The following FAT2 variants were observed in gnomAD, a reference collection of about 807,000 sequenced individuals.
The protein encoded by FAT2 is protocadherin Fat 2.
In FAT2, 150 loss-of-function variants were observed where a neutral mutation model predicts 295.3. The ratio of observed to expected loss-of-function variants is 0.51; its 90% confidence interval spans 0.44 to 0.58. The LOEUF is 0.58. FAT2 is among the 20% of genes least tolerant of loss of function. FAT2 has a pLI of 0.00. For missense variants in FAT2, 4,868 were observed against 5,442.7 expected (o/e 0.89, Z 3.32); for synonymous variants, 2,026 against 2,150.3 (o/e 0.94, Z 1.60).
chr5:151,544,046 C>G lies in FAT2; in HGVS notation c.7081G>C (p.Gly2361Arg). 6.2e-7 allele frequency: 1 copy of G among 1,614,158 alleles called. No homozygotes were observed. Among genetic ancestry groups the G allele is most frequent in the South Asian group, 1.1e-5 (1 of 91,074 alleles). The change falls in exon 10 of 24, where the codon GGT becomes CGT. Residue 2361 changes from glycine to arginine, a missense_variant. Around this residue, in one of 5 missense-constraint regions of FAT2, gnomAD observed 3,297 missense variants for 3,669.4 expected, o/e 0.90. Transcript: ENST00000261800. ...ACATTGACAACCACAAGGGTTTCAC[C>G]AGTGAGTGGGGGATCTCCTTTATCC... is the stretch of plus-strand genomic sequence containing the variant. ...AMDKGDPPLT[G>R]ETLVVVNVSD...
chr5:151,529,123 T>C (rs1754325148), intron 15 of FAT2, 55 bp downstream of exon 15: 1 of 1,491,010 alleles, frequency 6.7e-7, no homozygotes, highest in Non-Finnish European at 9.4e-7. Flanking sequence ...GGGGGTGAGA[T>C]AAGAACCCAT....
chr5:151,514,988 T>A (rs566669099), intron 20 of FAT2, among the ~76,000 whole-genome samples: 29 of 152,314 alleles, frequency 1.9e-4, no homozygotes, highest in African/African-American at 6.3e-4. Flanking sequence ...TTTATTTTTT[T>A]AAAAAAGGTT....
At chr5:151,520,176 G>A (rs758576261) in intron 19 of FAT2, among the ~76,000 whole-genome samples, 39 of 152,234 alleles carry the variant, frequency 2.6e-4, no homozygotes, top group African/African-American at 9.2e-4. Flanking sequence ...CAGGCAGCTG[G>A]ACCCATAAAG....
chr5:151,559,363 C>G lies in FAT2; in HGVS notation c.3575-2961G>C, dbSNP rs558198860. Among the ~76,000 whole-genome samples the G allele has an allele frequency of 2.6e-5, 4 of 152,300 alleles. No individual in the cohort carries two copies. In the East Asian group the frequency reaches 7.7e-4, roughly 29 times the overall value. ...GAGGACAAGTGGAAGGAAAGACACA[C>G]TCCTGTAGGACAGGAGGGTCTGGAT... On this transcript the variant is annotated intron_variant, in intron 3 of 23. Coordinates refer to ENST00000261800, the MANE Select transcript of FAT2 (RefSeq NM_001447.3).
rs748856510 is a variant in FAT2 at position 151,545,167 on chromosome 5, A to T, written c.5960T>A (p.Leu1987Gln). The T allele has an allele frequency of 6.2e-7, 1 of 1,614,218 alleles. No individual in the cohort carries two copies. The highest frequency in any genetic ancestry group is 8.5e-7 in the Non-Finnish European group (1 of 1,180,036). The part of the protein sequence containing the change: ...VKENLQDRKA[L>Q]VILGAQGNHL... ...ATTGCCCTGGGCACCAAGAATCACC[A>T]GTGCCTTTCTGTCCTGCAAGTTCTC... The change falls in exon 10 of 24, where the codon CTG (leucine) becomes CAG (glutamine). Residue 1987 changes from leucine (L) to glutamine (Q), a missense_variant. This residue lies in a region of FAT2 where 3,297 missense variants were observed against 3,669.4 expected (regional missense o/e 0.90). Coordinates refer to ENST00000261800, the MANE Select transcript of FAT2 (RefSeq NM_001447.3).
rs10044879 is a variant in FAT2, at chr5:151,549,373, C to T, written c.4711G>A (p.Gly1571Ser). 0.012 allele frequency: 19,046 copies of T among 1,613,966 alleles called. 401 individuals carry two copies. Among genetic ancestry groups the T allele is most frequent in the African/African-American group, 0.091 (6,793 of 74,978 alleles). The part of the protein sequence containing the change: ...EASVPDTIAP[G>S]TELLQVRAMD... ...GCTCGGACCTGCAGCAGCTCTGTGC[C>T]GGGGGCTATGGTGTCAGGAACACTT... The change falls in exon 9 of 24, where the codon GGC becomes AGC. Residue 1571 changes from glycine to serine, a missense_variant. This residue lies in a region of FAT2 where 3,297 missense variants were observed against 3,669.4 expected (regional missense o/e 0.90). Coordinates refer to ENST00000261800, the MANE Select transcript of FAT2 (RefSeq NM_001447.3).
chr5:151,524,129 C>T (rs1003050288), intron 18 of FAT2, among the ~76,000 whole-genome samples: 1 of 152,126 alleles, frequency 6.6e-6, no homozygotes, highest in Non-Finnish European at 1.5e-5. Context: ...GAAAAATGAG[C>T]TTCCTGAGAC....
Position 151,518,813 on chromosome 5 carries a change from C to T in FAT2, c.11318-1048G>A, listed in dbSNP as rs138533748. Among the ~76,000 whole-genome samples, 1,013 of 152,292 alleles carry T rather than the reference C, an allele frequency of 6.7e-3. 10 individuals carry two copies. Among genetic ancestry groups the T allele is most frequent in the African/African-American group, 0.024 (977 of 41,544 alleles). On this transcript the variant is annotated intron_variant, in intron 19 of 23. Transcript: ENST00000261800. The stretch of plus-strand genomic sequence containing the variant: ...CTTGGGAATAGCATTCTGTTGAACC[C>T]CCTTTGGGAAGCACTGCCCTCCCCA...
At chr5:151,586,487 A>G (rs967237678) in intron 1 of FAT2, among the ~76,000 whole-genome samples, 1 of 152,234 alleles carries the variant, frequency 6.6e-6, no homozygotes, top group Non-Finnish European at 1.5e-5. Flanking sequence ...GATGGATTTC[A>G]GAAGATAATT....
chr5:151,574,293 G>C (rs1251081381), intron 1 of FAT2, among the ~76,000 whole-genome samples: 1 of 152,132 alleles, frequency 6.6e-6, no homozygotes, highest in Non-Finnish European at 1.5e-5. Flanking sequence ...GCATATAGAG[G>C]GAAGGACTGT....
Position 151,512,769 on chromosome 5 carries a change from G to C in FAT2, c.11464-163C>G. 1.5e-6 allele frequency: 1 copy of C among 657,120 alleles called. No homozygotes were observed. The highest frequency in any genetic ancestry group is 2.6e-6 in the Non-Finnish European group (1 of 384,662). The allele number at this position is 657,120 out of a possible 1,614,324, so 40.7% of individuals were successfully genotyped here. ...TGCAGAGCATAAAAACCCTCAAAGT[G>C]CTTTTGTGTTGATGGTCTCCTTTGT... On this transcript the variant is annotated intron_variant, in intron 20 of 23. Transcript: ENST00000261800. The surrounding 1 kb of genome is among the most constrained non-coding windows in gnomAD (Gnocchi z 4.1).
intron 4 of FAT2, among the ~76,000 whole-genome samples, chr5:151,555,920 A>G (rs550538624): frequency 1.3e-5 from 2 of 152,270 alleles, no homozygotes; most frequent in South Asian, 2.1e-4. Context: ...AGGAATGCCT[A>G]TGTGATTTTA....
At chr5:151,513,842 T>C (rs555775941) in intron 20 of FAT2, among the ~76,000 whole-genome samples, 117 of 152,356 alleles carry the variant, frequency 7.7e-4, no homozygotes, top group Middle Eastern at 3.4e-3. Context: ...TTTAAATATC[T>C]CAGTTTTAAT....
intron 3 of FAT2, among the ~76,000 whole-genome samples, chr5:151,557,937 G>A (rs1414217926): frequency 6.6e-6 from 1 of 152,142 alleles, no homozygotes; most frequent in Non-Finnish European, 1.5e-5. Flanking sequence ...TCCAGCCTCA[G>A]GTTCCTTACA....
intron 1 of FAT2, among the ~76,000 whole-genome samples, chr5:151,577,877 C>T (rs920297220): frequency 1.3e-5 from 2 of 152,062 alleles, no homozygotes; most frequent in Non-Finnish European, 2.9e-5. Flanking sequence ...CAGAGGGAAC[C>T]TCAGAACTGG....
chr5:151,518,348 C>CTAATAATAATAATAATAA lies in FAT2; in HGVS notation c.11318-601_11318-584dup, dbSNP rs3056491. On this transcript the variant is annotated intron_variant, in intron 19 of 23. Coordinates refer to ENST00000261800, the MANE Select transcript of FAT2 (RefSeq NM_001447.3). The stretch of plus-strand genomic sequence containing the variant: ...TGGGTGACAGAGAGAGACCATGTCT[C>CTAATAATAATAATAATAA]TAATAATAATAATAATAATAATAAT... Among the ~76,000 whole-genome samples the CTAATAATAATAATAATAA allele has an allele frequency of 7.0e-3, 715 of 101,472 alleles. 10 individuals are homozygous for CTAATAATAATAATAATAA. Among genetic ancestry groups the CTAATAATAATAATAATAA allele is most frequent in the African/African-American group, 0.019 (679 of 35,314 alleles). 66.6% of individuals were successfully genotyped at this position (101,472 alleles called of 152,430 possible).
chr5:151,531,553 C>A lies in FAT2; in HGVS notation c.9811+34G>T. ...CCAGCGCTCCCAGAAACCCTGTACGCGATGCTTTGGGGCTTGGTGGATCAG... is the reference window on the plus strand; with the variant it reads ...CCAGCGCTCCCAGAAACCCTGTACGAGATGCTTTGGGGCTTGGTGGATCAG... On this transcript the variant is annotated intron_variant, in intron 14 of 23. Coordinates refer to ENST00000261800, the MANE Select transcript of FAT2 (RefSeq NM_001447.3). This position sits in a 1 kb window ranked among gnomAD's most constrained non-coding sequence, Gnocchi z 5.7. 1 of 1,609,996 alleles carries A rather than the reference C, an allele frequency of 6.2e-7. No homozygotes were observed. Among genetic ancestry groups the A allele is most frequent in the Non-Finnish European group, 8.5e-7 (1 of 1,178,780 alleles).
At chr5:151,563,200 T>G in intron 3 of FAT2, 125 bp downstream of exon 3, 1 of 887,878 alleles carries the variant, frequency 1.1e-6, no homozygotes, top group Non-Finnish European at 1.7e-6. Flanking sequence ...TTCAGTGGAT[T>G]TAGGGTGGGG....
chr5:151,578,513 G>A (rs1257057134), intron 1 of FAT2, among the ~76,000 whole-genome samples: 1 of 152,212 alleles, frequency 6.6e-6, no homozygotes, highest in African/African-American at 2.4e-5. Context: ...ATCAGACACT[G>A]TCAGTGGAAA....
Sources: gnomAD v4.1 joint callset for allele counts (sites outside exome capture counted in the v4.1 genomes callset) on GRCh38, gnomAD v4.1.1 for gene constraint, gnomAD v4.1.1 regional missense constraint, Gnocchi (gnomAD v3.1) non-coding constraint, MANE v1.5 for transcripts, NCBI Gene and HGNC (gene_info 2026-07-23, HGNC 2026-07-21) for gene names.